WASF2: variants seen among roughly 807,000 people sequenced by gnomAD.
WASF2 encodes actin-binding protein WASF2.
WASF2 carries 14 observed loss-of-function variants against 45.0 expected under a neutral mutation model. The observed-to-expected ratio is 0.31, with a 90% CI of 0.21 to 0.49. The LOEUF is 0.49. Ranked by LOEUF, WASF2 falls within the 20% of genes least tolerant of loss-of-function variation. WASF2 has a pLI of 0.99. For synonymous variants in WASF2, 200 were observed against 236.3 expected (o/e 0.85, Z 1.41); for missense variants, 439 against 636.1 (o/e 0.69, Z 3.33).
intron 1 of WASF2, among the ~76,000 whole-genome samples, chr1:27,479,746 T>C (rs915256596): frequency 6.6e-6 from 1 of 152,120 alleles, no homozygotes; most frequent in African/African-American, 2.4e-5. Flanking sequence ...ATGCCTATAA[T>C]CCTAGTTACT....
chr1:27,469,785 T>C (rs1357329039), intron 1 of WASF2, among the ~76,000 whole-genome samples: 1 of 151,846 alleles, frequency 6.6e-6, no homozygotes, highest in Non-Finnish European at 1.5e-5. Context: ...CTACTAAAAA[T>C]ACAAAAATTA....
intron 1 of WASF2, among the ~76,000 whole-genome samples, chr1:27,488,263 A>T (rs977724175): frequency 1.3e-5 from 2 of 152,218 alleles, no homozygotes; most frequent in Admixed American, 6.5e-5. Context: ...GGAAAAATTA[A>T]GGGCAGCAAG....
At chr1:27,444,684 C>T (rs1475179409) in intron 1 of WASF2, among the ~76,000 whole-genome samples, 4 of 152,174 alleles carry the variant, frequency 2.6e-5, no homozygotes, top group African/African-American at 4.8e-5. Flanking sequence ...GAGACAAATA[C>T]TGAAAAAGAT....
intron 1 of WASF2, among the ~76,000 whole-genome samples, chr1:27,436,341 G>C (rs2017137927): frequency 6.6e-6 from 1 of 152,102 alleles, no homozygotes; most frequent in Non-Finnish European, 1.5e-5. Flanking sequence ...AGCTACTCAG[G>C]GGGCTCAGGC....
At chr1:27,450,070 G>A (rs1040233090) in intron 1 of WASF2, among the ~76,000 whole-genome samples, 4 of 151,992 alleles carry the variant, frequency 2.6e-5, no homozygotes, top group Non-Finnish European at 5.9e-5. Flanking sequence ...CTTGAATCCG[G>A]GAAGCAGAGG....
At chr1:27,461,666 G>A (rs1356074959) in intron 1 of WASF2, among the ~76,000 whole-genome samples, 1 of 151,710 alleles carries the variant, frequency 6.6e-6, no homozygotes, top group Non-Finnish European at 1.5e-5. Flanking sequence ...CGTAGAGTCG[G>A]GGTTTCACCG....
chr1:27,432,276 T>G (rs1307439569), intron 1 of WASF2, among the ~76,000 whole-genome samples: 1 of 152,096 alleles, frequency 6.6e-6, no homozygotes, highest in Non-Finnish European at 1.5e-5. Context: ...CACCTTACTG[T>G]GTGATCTTGG....
At chr1:27,426,442 C>T (rs1246171660) in intron 2 of WASF2, among the ~76,000 whole-genome samples, 1 of 151,892 alleles carries the variant, frequency 6.6e-6, no homozygotes, top group African/African-American at 2.4e-5. Context: ...GCTGAGAAAT[C>T]TGTAGGAAGT....
chr1:27,449,115 C>T (rs750402946), intron 1 of WASF2, among the ~76,000 whole-genome samples: 39 of 152,184 alleles, frequency 2.6e-4, no homozygotes, highest in Non-Finnish European at 2.9e-4. Context: ...GGCGTCCCCT[C>T]TTCCACATGC....
intron 1 of WASF2, among the ~76,000 whole-genome samples, chr1:27,468,192 C>T (rs2017641070): frequency 1.3e-5 from 2 of 152,080 alleles, no homozygotes; most frequent in Admixed American, 1.3e-4. Context: ...TGTTAGACAA[C>T]ACTCTCTAGA....
At chr1:27,436,000 G>C (rs2148115840) in intron 1 of WASF2, among the ~76,000 whole-genome samples, 1 of 152,370 alleles carries the variant, frequency 6.6e-6, no homozygotes, top group East Asian at 1.9e-4. Context: ...GCAGGGGATG[G>C]AACATGTGGG....
rs369295465 is a variant in WASF2 at position 27,477,927 on chromosome 1, A to T, written c.-44+12059T>A. On this transcript the variant is annotated intron_variant, in intron 1 of 8. Coordinates refer to ENST00000618852, the MANE Select transcript of WASF2 (RefSeq NM_006990.5). ...AAAAAAAAATAAATAAATAAAAAAA[A>T]AAATAAAAATAAATAAATCTAGGAT... Among the ~76,000 whole-genome samples, 287 of 149,692 alleles carry T rather than the reference A, an allele frequency of 1.9e-3. 31 individuals are homozygous for T. The highest frequency in any genetic ancestry group is 5.8e-3 in the East Asian group (30 of 5,144).
At position 27,412,655 on chromosome 1, in the gene WASF2, C is replaced by T. The variant is rs150921055; in HGVS notation, c.741G>A (p.Pro247=). 204 of 1,614,060 alleles carry T rather than the reference C, an allele frequency of 1.3e-4. 1 individual carries two copies. Among genetic ancestry groups the T allele is most frequent in the Non-Finnish European group, 1.6e-4 (191 of 1,180,032 alleles). Residue 247 remains proline (P), a synonymous_variant, in exon 7 of 9, where the codon CCG becomes CCA. Coordinates refer to ENST00000618852, the MANE Select transcript of WASF2 (RefSeq NM_006990.5). ...CVENVDASSY[P]PPPQSDSASS... ...AAGCAGAGTCTGACTGTGGTGGTGG[C>T]GGATAGCTACTTGCATCCACGTTTT...
At chr1:27,424,719 A>C (rs2016953141) in intron 2 of WASF2, among the ~76,000 whole-genome samples, 1 of 152,202 alleles carries the variant, frequency 6.6e-6, no homozygotes, top group East Asian at 1.9e-4. Flanking sequence ...ACAGGGTCTC[A>C]CTATGTTGCC....
chr1:27,434,815 C>T (rs532480647), intron 1 of WASF2, among the ~76,000 whole-genome samples: 2 of 152,290 alleles, frequency 1.3e-5, no homozygotes, highest in African/African-American at 4.8e-5. Flanking sequence ...ACTTCCTAGC[C>T]ATGGCCTGGC....
intron 1 of WASF2, among the ~76,000 whole-genome samples, chr1:27,487,484 A>ATATATTATATAATATTATAATATATGT (rs1345772002): frequency 4.4e-5 from 5 of 113,640 alleles, no homozygotes; most frequent in Admixed American, 1.3e-4. Flanking sequence ...TTATATAAAT[A>ATATATTATATAATATTATAATATATGT]TATATTATAT....
At chr1:27,467,163 G>A (rs578171744) in intron 1 of WASF2, among the ~76,000 whole-genome samples, 3 of 146,018 alleles carry the variant, frequency 2.1e-5, no homozygotes, top group East Asian at 2.0e-4. Flanking sequence ...GCAGTGAGTC[G>A]AGATAATGCC....
chr1:27,487,656 T>C (rs1338771722), intron 1 of WASF2, among the ~76,000 whole-genome samples: 6 of 105,272 alleles, frequency 5.7e-5, no homozygotes, highest in African/African-American at 1.5e-4. Flanking sequence ...ATATATTATA[T>C]AATATATATT....
At chr1:27,450,587 GC>G (rs1382733428) in intron 1 of WASF2, among the ~76,000 whole-genome samples, 1 of 152,088 alleles carries the variant, frequency 6.6e-6, no homozygotes, top group African/African-American at 2.4e-5. Context: ...CACAACCTCT[GC>G]CTCCCGGGTT....
Sources: gnomAD v4.1 joint callset for allele counts (sites outside exome capture counted in the v4.1 genomes callset) on GRCh38, gnomAD v4.1.1 for gene constraint, MANE v1.5 for transcripts, NCBI Gene and HGNC (gene_info 2026-07-23, HGNC 2026-07-21) for gene names.